DMD: variants seen among roughly 807,000 people sequenced by gnomAD.
DMD encodes mutant dystrophin.
In DMD, 63 loss-of-function variants were observed where a neutral mutation model predicts 330.1. That is an observed-to-expected ratio of 0.19 (90% CI 0.16 to 0.24). DMD has a LOEUF of 0.24. Among genes scored for constraint, DMD ranks in the 10% least tolerant of loss-of-function variants. The pLI, the probability that DMD is intolerant of heterozygous loss-of-function variation, is 1.00. For missense variants in DMD, 3,344 were observed against 2,684.1 expected (o/e 1.25, Z -5.43); for synonymous variants, 1,223 against 959.8 (o/e 1.27, Z -5.07).
chrX:32,897,635 AG>A (rs1316909735), intron 2 of DMD, among the ~76,000 whole-genome samples: 1 of 112,449 alleles, frequency 8.9e-6, no homozygotes, highest in Non-Finnish European at 1.9e-5. Context: ...AAGTCGAAAA[AG>A]TTGGTATGCC....
intron 44 of DMD, among the ~76,000 whole-genome samples, chrX:32,101,282 A>T (rs1395717058): frequency 8.9e-6 from 1 of 111,735 alleles, no homozygotes; most frequent in East Asian, 2.8e-4. Context: ...CCAGAGTTCA[A>T]ATACAGGTTT....
chrX:32,456,832 G>A (rs886215637), intron 25 of DMD, among the ~76,000 whole-genome samples: 1 of 108,073 alleles, frequency 9.3e-6, no homozygotes, highest in Non-Finnish European at 1.9e-5. Context: ...GTAGTAGACT[G>A]GGGTATACAT....
chrX:31,215,245 C>CTTT (rs765161735), intron 64 of DMD, among the ~76,000 whole-genome samples: 7 of 99,842 alleles, frequency 7.0e-5, no homozygotes, highest in Non-Finnish European at 1.4e-4. Flanking sequence ...CCAGCCGATA[C>CTTT]TTTTTTTTTT....
intron 52 of DMD, among the ~76,000 whole-genome samples, chrX:31,705,394 G>T (rs1197470176): frequency 1.8e-5 from 2 of 112,868 alleles, no homozygotes; most frequent in African/African-American, 3.2e-5. Context: ...AATGAACAGG[G>T]TTATAAAAAC....
chrX:32,611,203 A>AT (rs1217812220), intron 12 of DMD, among the ~76,000 whole-genome samples: 1 of 78,237 alleles, frequency 1.3e-5, no homozygotes, highest in Non-Finnish European at 2.1e-5. Flanking sequence ...CTTAATTTTT[A>AT]TAAAAAAAAA....
At chrX:32,386,167 T>C in intron 33 of DMD, 143 bp downstream of exon 33, 7 of 580,578 alleles carry the variant, frequency 1.2e-5, no homozygotes, top group South Asian at 4.9e-5. Context: ...TATATGTGTG[T>C]ATATATATAC....
intron 44 of DMD, among the ~76,000 whole-genome samples, chrX:31,990,687 C>T (rs2095544178): frequency 8.9e-6 from 1 of 112,084 alleles, no homozygotes; most frequent in Non-Finnish European, 1.9e-5. Flanking sequence ...ATTGCTAGTA[C>T]ATCCTCAGAT....
intron 13 of DMD, among the ~76,000 whole-genome samples, chrX:32,594,040 C>A (rs145164264): frequency 1.6e-3 from 182 of 112,484 alleles, no homozygotes; most frequent in African/African-American, 5.7e-3. Flanking sequence ...ATATTCTGAC[C>A]TGTCTTTGGT....
At chrX:31,355,387 G>A (rs1186481915) in intron 60 of DMD, among the ~76,000 whole-genome samples, 1 of 112,070 alleles carries the variant, frequency 8.9e-6, no homozygotes, top group Non-Finnish European at 1.9e-5. Flanking sequence ...GTTTACTCCA[G>A]TCTAGAGAAA....
At chrX:31,317,089 G>T (rs190182406) in intron 62 of DMD, among the ~76,000 whole-genome samples, 1 of 111,648 alleles carries the variant, frequency 9.0e-6, no homozygotes, top group African/African-American at 3.3e-5. Flanking sequence ...TTTCTATTTC[G>T]AAGTCAACAT....
chrX:32,855,791 A>G (rs955784639), intron 2 of DMD, among the ~76,000 whole-genome samples: 12 of 111,541 alleles, frequency 1.1e-4, no homozygotes, highest in African/African-American at 3.6e-4. Flanking sequence ...ACCAAGCACA[A>G]GCAATCAAAG....
At chrX:32,354,119 C>T (rs188503810) in intron 37 of DMD, among the ~76,000 whole-genome samples, 1 of 111,045 alleles carries the variant, frequency 9.0e-6, no homozygotes, top group East Asian at 2.8e-4. Context: ...GATACACTAG[C>T]ATAATAACGA....
chrX:31,329,138 A>G (rs760845208), intron 61 of DMD, among the ~76,000 whole-genome samples: 13 of 112,537 alleles, frequency 1.2e-4, no homozygotes, highest in Admixed American at 4.7e-4. Flanking sequence ...ACTGATTAGC[A>G]TTTGGCAATC....
rs777213555 is a variant in DMD at position 33,305,010 on chromosome X, G to A, written c.7+34249C>T. 3.7e-5 allele frequency among the ~76,000 whole-genome samples: 4 copies of A among 108,903 alleles called. No individual in the cohort carries two copies. The East Asian group carries it at 1.2e-3, about 32-fold the overall frequency. The allele number at this position is 108,903 out of a possible 115,157, so 94.6% of individuals were successfully genotyped here. On this transcript the variant is annotated intron_variant, in intron 1 of 17. Transcript: ENST00000288447. ...CAACCATTGTGGAAGTCAGTGTGGC[G>A]ATTCCTCAGGGATCTAGAACTAGAA...
chrX:33,203,100 T>G (rs778706677), intron 1 of DMD, among the ~76,000 whole-genome samples: 258 of 111,904 alleles, frequency 2.3e-3, no homozygotes, highest in African/African-American at 7.8e-3. Flanking sequence ...ATTTTTACCA[T>G]TTTTGCAGAT....
chrX:32,672,441 A>G (rs2061690467), intron 9 of DMD, among the ~76,000 whole-genome samples: 1 of 111,413 alleles, frequency 9.0e-6, no homozygotes, highest in South Asian at 3.7e-4. Flanking sequence ...ATCATGGGAA[A>G]ACACTGAACT....
At chrX:32,372,628 C>T (rs189180800) in intron 34 of DMD, among the ~76,000 whole-genome samples, 247 of 111,642 alleles carry the variant, frequency 2.2e-3, no homozygotes, top group African/African-American at 6.7e-3. Flanking sequence ...GACCATGCAG[C>T]TAGCTAGGAT....
chrX:32,543,795 C>A (rs370193094), intron 17 of DMD, among the ~76,000 whole-genome samples: 5 of 111,161 alleles, frequency 4.5e-5, no homozygotes, highest in African/African-American at 1.6e-4. Flanking sequence ...TTGACTGGAG[C>A]AAGGGTCGCC....
chrX:32,669,977 T>A lies in DMD; in HGVS notation c.961-24825A>T, dbSNP rs191658161. ...GAACAGTCACAAAATGAACTGACGA[T>A]TCGTGCTTCTTTCTCATTTAGCTCC... On this transcript the variant is annotated intron_variant, in intron 9 of 78. Transcript: ENST00000357033. Among the ~76,000 whole-genome samples, 6 of 111,610 alleles carry A rather than the reference T, an allele frequency of 5.4e-5. No individual in the cohort carries two copies. In the East Asian group the frequency reaches 1.7e-3, roughly 32 times the overall value.
Sources: allele counts gnomAD v4.1 joint callset (sites outside exome capture counted in the v4.1 genomes callset), GRCh38; gene constraint gnomAD v4.1.1; transcripts MANE v1.5; gene names NCBI Gene and HGNC (gene_info 2026-07-23, HGNC 2026-07-21).